Variants in SOX5 observed in about 807,000 individuals in gnomAD.
The protein encoded by SOX5 is SRY-box transcription factor 5, also known as transcription factor SOX-5.
SOX5 carries 9 observed loss-of-function variants against 92.0 expected under a neutral mutation model. That is an observed-to-expected ratio of 0.10 (90% CI 0.06 to 0.17). SOX5 has a LOEUF of 0.17. Ranked by LOEUF, SOX5 falls within the 10% of genes least tolerant of loss-of-function variation. The pLI is 1.00. For synonymous variants in SOX5, 344 were observed against 336.3 expected (o/e 1.02, Z -0.25); for missense variants, 642 against 944.5 (o/e 0.68, Z 4.20).
intron 1 of SOX5, among the ~76,000 whole-genome samples, chr12:24,476,004 A>AAT (rs35538673): frequency 0.2 from 30,104 of 150,004 alleles, 3,188 homozygotes; most frequent in Middle Eastern, 0.28. Flanking sequence ...AAAAAAAAAA[A>AAT]AAAAAAAAAA....
At chr12:23,639,318 C>T (rs563552428) in intron 8 of SOX5, among the ~76,000 whole-genome samples, 18 of 152,298 alleles carry the variant, frequency 1.2e-4, no homozygotes, top group Admixed American at 8.5e-4. Flanking sequence ...TAGCTACTTT[C>T]GAAGAGAGTC....
chr12:24,187,682 T>C (rs1956149773), intron 4 of SOX5, among the ~76,000 whole-genome samples: 1 of 152,192 alleles, frequency 6.6e-6, no homozygotes, highest in Admixed American at 6.6e-5. Context: ...CTTCCTAACA[T>C]GTTCTTTGCC....
chr12:23,552,449 CTTG>C (rs576110120), intron 11 of SOX5, among the ~76,000 whole-genome samples: 1 of 151,374 alleles, frequency 6.6e-6, no homozygotes, highest in South Asian at 2.1e-4. Flanking sequence ...TCCATTAAAC[CTTG>C]TTGTCATAAT....
Position 23,965,091 on chromosome 12 carries a change from G to T in SOX5, c.-1-69067C>A, listed in dbSNP as rs117747293. On this transcript the variant is annotated intron_variant, in intron 4 of 4. Transcript: ENST00000446891. The stretch of plus-strand genomic sequence containing the variant: ...ACAGCACAAAGGGAATGTGCTGGGT[G>T]TGCCTGTCAGCCTTGACATTCTCTA... 6.0e-3 allele frequency among the ~76,000 whole-genome samples: 918 copies of T among 152,336 alleles called. 6 individuals are homozygous for T. Among genetic ancestry groups the T allele is most frequent in the Non-Finnish European group, 9.2e-3 (625 of 68,030 alleles).
At chr12:24,269,076 T>C (rs563710837) in intron 3 of SOX5, among the ~76,000 whole-genome samples, 2 of 152,308 alleles carry the variant, frequency 1.3e-5, no homozygotes, top group Admixed American at 1.3e-4. Flanking sequence ...AGGGTAATCT[T>C]TAATTATATA....
chr12:24,114,403 C>A (rs1474192688), intron 4 of SOX5, among the ~76,000 whole-genome samples: 1 of 150,572 alleles, frequency 6.6e-6, no homozygotes, highest in Non-Finnish European at 1.5e-5. Context: ...ATGGTGAAAC[C>A]CCATCTCTTC....
chr12:24,455,325 G>A (rs1384189749), intron 1 of SOX5, among the ~76,000 whole-genome samples: 1 of 152,102 alleles, frequency 6.6e-6, no homozygotes, highest in African/African-American at 2.4e-5. Flanking sequence ...GTTCCAAAGT[G>A]GCTGATTTTC....
intron 3 of SOX5, among the ~76,000 whole-genome samples, chr12:24,269,962 G>A (rs1365989963): frequency 6.7e-6 from 1 of 149,018 alleles, no homozygotes; most frequent in Admixed American, 6.8e-5. Flanking sequence ...TGGAATTACT[G>A]GCATGAGCCA....
intron 4 of SOX5, among the ~76,000 whole-genome samples, chr12:24,120,528 A>C (rs1948502367): frequency 6.6e-6 from 1 of 152,180 alleles, no homozygotes; most frequent in African/African-American, 2.4e-5. Context: ...CCCATCGCCT[A>C]AACAACAGAA....
chr12:23,975,329 A>C (rs1948781985), intron 4 of SOX5, among the ~76,000 whole-genome samples: 1 of 152,068 alleles, frequency 6.6e-6, no homozygotes, highest in Non-Finnish European at 1.5e-5. Context: ...TTTGATATAT[A>C]ATATGATATA....
intron 3 of SOX5, among the ~76,000 whole-genome samples, chr12:23,800,339 G>T (rs1433391258): frequency 6.6e-6 from 1 of 152,048 alleles, no homozygotes; most frequent in South Asian, 2.1e-4. Context: ...CCCTGATAAG[G>T]TTTGCACAAA....
At chr12:23,844,398 T>C (rs1243938424) in intron 3 of SOX5, among the ~76,000 whole-genome samples, 1 of 152,190 alleles carries the variant, frequency 6.6e-6, no homozygotes, top group African/African-American at 2.4e-5. Flanking sequence ...ATTAGCAGAA[T>C]ATATGAAAAT....
intron 3 of SOX5, among the ~76,000 whole-genome samples, chr12:24,253,214 A>T (rs1940495097): frequency 6.6e-6 from 1 of 152,084 alleles, no homozygotes; most frequent in Non-Finnish European, 1.5e-5. Flanking sequence ...AAAAAGATTA[A>T]TATTTGAATT....
intron 7 of SOX5, among the ~76,000 whole-genome samples, chr12:23,651,295 T>C (rs2081529613): frequency 6.6e-6 from 1 of 151,988 alleles, no homozygotes; most frequent in African/African-American, 2.4e-5. Flanking sequence ...GGGTAGAAAT[T>C]ATTATTCCCA....
At chr12:24,206,625 C>T (rs115618695) in intron 4 of SOX5, among the ~76,000 whole-genome samples, 1 of 152,190 alleles carries the variant, frequency 6.6e-6, no homozygotes, top group African/African-American at 2.4e-5. Context: ...CACTGGTGTA[C>T]AGCTTCGTGA....
chr12:24,217,777 AAGAACTCTT>A (rs1959367338), intron 3 of SOX5, among the ~76,000 whole-genome samples: 1 of 152,242 alleles, frequency 6.6e-6, no homozygotes, highest in African/African-American at 2.4e-5. Context: ...ACAATGTATA[AAGAACTCTT>A]AGAACTCTAT....
chr12:24,174,360 C>T (rs1477895660), intron 4 of SOX5, among the ~76,000 whole-genome samples: 2 of 152,122 alleles, frequency 1.3e-5, no homozygotes, highest in Non-Finnish European at 2.9e-5. Context: ...TGGAGAAACA[C>T]TCTAAAGGAC....
chr12:23,831,688 T>C (rs1380696974), intron 3 of SOX5, among the ~76,000 whole-genome samples: 2 of 152,084 alleles, frequency 1.3e-5, no homozygotes, highest in South Asian at 2.1e-4. Context: ...TGGTAATAAG[T>C]TGTGCCTTTA....
chr12:23,564,518 G>A (rs1351412692), intron 10 of SOX5, among the ~76,000 whole-genome samples: 2 of 152,154 alleles, frequency 1.3e-5, no homozygotes, highest in Non-Finnish European at 2.9e-5. Flanking sequence ...GAGACAGAAG[G>A]CAGGCACTAA....
Sources: gnomAD v4.1 joint callset for allele counts (sites outside exome capture counted in the v4.1 genomes callset) on GRCh38, gnomAD v4.1.1 for gene constraint, MANE v1.5 for transcripts, NCBI Gene and HGNC (gene_info 2026-07-23, HGNC 2026-07-21) for gene names.